FARS2: variants seen among roughly 807,000 people sequenced by gnomAD.
FARS2 encodes the protein phenylalanyl-tRNA synthetase 2, mitochondrial, also known as phenylalanine--tRNA ligase, mitochondrial.
Under a neutral mutation model 46.4 loss-of-function variants are expected in FARS2, and 40 were observed. The ratio of observed to expected loss-of-function variants is 0.86; its 90% confidence interval spans 0.67 to 1.12. The LOEUF (loss-of-function observed/expected upper bound fraction) is 1.12. Ranked by LOEUF, FARS2 falls within the 50% of genes most tolerant of loss-of-function variation. The pLI is 0.00. For missense variants in FARS2, 513 were observed against 567.9 expected, an observed-to-expected ratio of 0.90 and a Z score of 0.98; for synonymous variants, 234 against 214.9, an observed-to-expected ratio of 1.09 and a Z score of -0.78.
At position 5,713,908 on chromosome 6, in the gene FARS2, T is replaced by C. The variant is rs565302467; in HGVS notation, c.1218-57383T>C. On this transcript the variant is annotated intron_variant, in intron 6 of 6. Coordinates refer to ENST00000274680, the MANE Select transcript of FARS2 (RefSeq NM_006567.5). ...TGTTCTCCAAAGACATGAAATTTAG[T>C]CCATATGTTTAAATCTCTCTTTGGC... Among the ~76,000 whole-genome samples the C allele has an allele frequency of 5.9e-5, 9 of 152,340 alleles. No homozygotes were observed. The South Asian group carries it at 1.9e-3, about 32-fold the overall frequency.
intron 6 of FARS2, among the ~76,000 whole-genome samples, chr6:5,624,993 C>G (rs1775962768): frequency 6.6e-6 from 1 of 152,202 alleles, no homozygotes; most frequent in East Asian, 1.9e-4. Context: ...AACTCACTGT[C>G]CATCCACCTG....
chr6:5,442,091 C>T (rs942884218), intron 4 of FARS2, among the ~76,000 whole-genome samples: 2 of 151,828 alleles, frequency 1.3e-5, no homozygotes, highest in Admixed American at 6.6e-5. Flanking sequence ...AGAGTGAGAC[C>T]CTCTCTCAAA....
chr6:5,463,550 A>G (rs1765357726), intron 4 of FARS2, among the ~76,000 whole-genome samples: 1 of 152,240 alleles, frequency 6.6e-6, no homozygotes, highest in Non-Finnish European at 1.5e-5. Flanking sequence ...GAGCATTGTT[A>G]TGTTATTATA....
chr6:5,380,709 A>C (rs1759702397), intron 2 of FARS2, among the ~76,000 whole-genome samples: 1 of 152,172 alleles, frequency 6.6e-6, no homozygotes. Context: ...CCAAGAATGC[A>C]CCCTGTACTG....
At chr6:5,440,372 CATT>C (rs1480604879) in intron 4 of FARS2, among the ~76,000 whole-genome samples, 10 of 152,236 alleles carry the variant, frequency 6.6e-5, no homozygotes, top group African/African-American at 1.4e-4. Flanking sequence ...TCTACATCAT[CATT>C]GTCAGTGGCT....
At chr6:5,751,104 C>CA (rs1490601268) in intron 6 of FARS2, among the ~76,000 whole-genome samples, 4 of 152,158 alleles carry the variant, frequency 2.6e-5, no homozygotes, top group African/African-American at 9.7e-5. Context: ...GGCCCAAACT[C>CA]AGTCTTACAG....
intron 1 of FARS2, among the ~76,000 whole-genome samples, chr6:5,293,771 T>G (rs1268760281): frequency 6.6e-6 from 1 of 152,228 alleles, no homozygotes; most frequent in African/African-American, 2.4e-5. Flanking sequence ...ACAACAGAAC[T>G]GTTACAACAG....
At chr6:5,270,286 G>C (rs1765853505) in intron 1 of FARS2, among the ~76,000 whole-genome samples, 2 of 152,158 alleles carry the variant, frequency 1.3e-5, no homozygotes, top group African/African-American at 4.8e-5. Context: ...ACATGTGCCT[G>C]GGCATTCATA....
intron 4 of FARS2, among the ~76,000 whole-genome samples, chr6:5,521,469 T>A (rs1769131291): frequency 6.6e-6 from 1 of 152,020 alleles, no homozygotes; most frequent in Admixed American, 6.6e-5. Context: ...TGTGTCCCCA[T>A]ACGGGTGCAG....
chr6:5,561,557 C>T lies in FARS2; in HGVS notation c.1065+16217C>T, dbSNP rs181717306. Among the ~76,000 whole-genome samples the T allele has an allele frequency of 1.2e-3, 175 of 152,144 alleles. 4 individuals are homozygous for T. The highest frequency in any genetic ancestry group is 3.9e-3 in the African/African-American group (163 of 41,500). On this transcript the variant is annotated intron_variant, in intron 5 of 6. Coordinates refer to ENST00000274680, the MANE Select transcript of FARS2 (RefSeq NM_006567.5). Reference sequence around the variant, plus strand: ...GTTGTTTCTTTGTAGATAATAATGCCTTTTATTTTGAGTGATGTTTCAGAA... The same window carrying T: ...GTTGTTTCTTTGTAGATAATAATGCTTTTTATTTTGAGTGATGTTTCAGAA...
intron 6 of FARS2, among the ~76,000 whole-genome samples, chr6:5,736,615 G>T (rs1760970635): frequency 6.6e-6 from 1 of 151,944 alleles, no homozygotes; most frequent in Non-Finnish European, 1.5e-5. Context: ...AAGCTCAACT[G>T]ATAGTAGTTT....
At position 5,368,744 on chromosome 6, in the gene FARS2, C is replaced by T; in HGVS notation, c.174C>T (p.Tyr58=). 1.2e-6 allele frequency: 2 copies of T among 1,614,144 alleles called. No individual in the cohort carries two copies. Among genetic ancestry groups the T allele is most frequent in the Non-Finnish European group, 1.7e-6 (2 of 1,180,022 alleles). ...GSVVELLGKS[Y]PQDDHSNLTR... is the part of the protein sequence containing the mutation. ...TGGTGGAGCTGCTGGGCAAATCCTA[C>T]CCTCAGGACGACCACAGCAACCTCA... Residue 58 remains tyrosine, a synonymous_variant, in exon 2 of 7, where the codon TAC becomes TAT. Coordinates refer to ENST00000274680, the MANE Select transcript of FARS2 (RefSeq NM_006567.5).
At chr6:5,530,658 T>A (rs1253546057) in intron 4 of FARS2, among the ~76,000 whole-genome samples, 2 of 147,660 alleles carry the variant, frequency 1.4e-5, no homozygotes, top group Non-Finnish European at 3.0e-5. Context: ...TAAAAATATA[T>A]TTATATATTT....
intron 6 of FARS2, among the ~76,000 whole-genome samples, chr6:5,653,449 C>G (rs189742234): frequency 6.6e-6 from 1 of 152,186 alleles, no homozygotes; most frequent in African/African-American, 2.4e-5. Context: ...ACATGGAAGG[C>G]GTTGGACCAG....
chr6:5,548,776 C>G (rs1283689261), intron 5 of FARS2, among the ~76,000 whole-genome samples: 2 of 151,998 alleles, frequency 1.3e-5, no homozygotes, highest in Non-Finnish European at 2.9e-5. Context: ...TTTTTTTTCT[C>G]CTTTCTGCCT....
Position 5,545,130 on chromosome 6 carries a change from A to G in FARS2, c.905-50A>G, listed in dbSNP as rs774214680. 9 of 1,581,692 alleles carry G rather than the reference A, an allele frequency of 5.7e-6. No homozygotes were observed. In the African/African-American group the frequency reaches 9.4e-5, roughly 17 times the overall value. Reference sequence around the variant, plus strand: ...AACTGTCAGGGAGTGGTATGAACCTATCCAATCTCGATACTTTTTAAAAAC... The same window carrying G: ...AACTGTCAGGGAGTGGTATGAACCTGTCCAATCTCGATACTTTTTAAAAAC... On this transcript the variant is annotated intron_variant, in intron 4 of 6. Transcript: ENST00000274680.
At chr6:5,570,889 C>A (rs950708868) in intron 5 of FARS2, among the ~76,000 whole-genome samples, 5 of 152,328 alleles carry the variant, frequency 3.3e-5, no homozygotes, top group African/African-American at 9.6e-5. Flanking sequence ...CTGCACATTT[C>A]TTTGTGGAAG....
chr6:5,491,447 C>G (rs931615998), intron 4 of FARS2, among the ~76,000 whole-genome samples: 1 of 152,120 alleles, frequency 6.6e-6, no homozygotes, highest in Non-Finnish European at 1.5e-5. Flanking sequence ...TTTAAGTTCT[C>G]CATCCCCTGC....
At chr6:5,754,874 C>A (rs1762127824) in intron 6 of FARS2, among the ~76,000 whole-genome samples, 1 of 152,180 alleles carries the variant, frequency 6.6e-6, no homozygotes, top group South Asian at 2.1e-4. Flanking sequence ...GTGACTAATA[C>A]AGTTTTTTAA....
Sources: gnomAD v4.1 joint callset for allele counts (sites outside exome capture counted in the v4.1 genomes callset) on GRCh38, gnomAD v4.1.1 for gene constraint, MANE v1.5 for transcripts, NCBI Gene and HGNC (gene_info 2026-07-23, HGNC 2026-07-21) for gene names.